The following SLC24A3 variants were observed in gnomAD, a reference collection of about 807,000 sequenced individuals.
SLC24A3 encodes sodium/potassium/calcium exchanger 3.
Under a neutral mutation model 75.8 loss-of-function variants are expected in SLC24A3, and 28 were observed. That is an observed-to-expected ratio of 0.37 (90% CI 0.27 to 0.51). The LOEUF (loss-of-function observed/expected upper bound fraction) is 0.51. SLC24A3 is among the 20% of genes least tolerant of loss of function. SLC24A3 has a pLI of 0.94. For missense variants in SLC24A3, 663 were observed against 847.8 expected, an observed-to-expected ratio of 0.78 and a Z score of 2.71; for synonymous variants, 372 against 334.1, an observed-to-expected ratio of 1.11 and a Z score of -1.24.
intron 9 of SLC24A3, among the ~76,000 whole-genome samples, chr20:19,680,151 T>A (rs1250159481): frequency 6.7e-6 from 1 of 149,854 alleles, no homozygotes; most frequent in East Asian, 1.9e-4. Context: ...TCTGTGTGTG[T>A]CTGTGTGTGT....
intron 7 of SLC24A3, among the ~76,000 whole-genome samples, chr20:19,656,057 T>C (rs191346912): frequency 1.9e-4 from 29 of 152,282 alleles, no homozygotes; most frequent in Admixed American, 1.8e-3. Flanking sequence ...AAGGGTCTAC[T>C]CACCTGTTTG....
chr20:19,590,204 C>A (rs1466858368), intron 6 of SLC24A3, among the ~76,000 whole-genome samples: 1 of 151,734 alleles, frequency 6.6e-6, no homozygotes, highest in Non-Finnish European at 1.5e-5. Flanking sequence ...TTAGCACAAA[C>A]AATGTGCAGC....
chr20:19,456,235 T>A (rs1987575379), intron 2 of SLC24A3, among the ~76,000 whole-genome samples: 1 of 152,176 alleles, frequency 6.6e-6, no homozygotes, highest in Non-Finnish European at 1.5e-5. Context: ...GGAGGAGACA[T>A]ACAACCAGAT....
intron 2 of SLC24A3, among the ~76,000 whole-genome samples, chr20:19,454,108 T>A (rs1325876360): frequency 6.6e-6 from 1 of 152,150 alleles, no homozygotes; most frequent in Admixed American, 6.6e-5. Context: ...TAAGAAGCAG[T>A]GCTCAGAGCC....
chr20:19,559,671 C>T (rs6081656), intron 3 of SLC24A3, among the ~76,000 whole-genome samples: 12,409 of 152,174 alleles, frequency 0.082, 579 homozygotes, highest in Middle Eastern at 0.12. Flanking sequence ...ATTCCCTTAA[C>T]TCTAAATCTA....
At chr20:19,234,470 C>G (rs1486916966) in intron 1 of SLC24A3, among the ~76,000 whole-genome samples, 1 of 152,178 alleles carries the variant, frequency 6.6e-6, no homozygotes, top group East Asian at 1.9e-4. Flanking sequence ...GATGAAATGC[C>G]AAGATTGAGA....
At position 19,618,551 on chromosome 20, in the gene SLC24A3, G is replaced by A. The variant is rs138121660; in HGVS notation, c.612+33007G>A. 3.7e-3 allele frequency among the ~76,000 whole-genome samples: 561 copies of A among 152,284 alleles called. 1 individual carries two copies. Among genetic ancestry groups the A allele is most frequent in the African/African-American group, 0.013 (528 of 41,554 alleles). ...CTAGCTCCAAATACAGCTGCCTTCT[G>A]TGATACTAGGGGGTAAGACTTCAAC... is the stretch of plus-strand genomic sequence containing the variant. On this transcript the variant is annotated intron_variant, in intron 6 of 16. Transcript: ENST00000328041.
chr20:19,526,561 G>A (rs768471440), intron 3 of SLC24A3, among the ~76,000 whole-genome samples: 25 of 152,076 alleles, frequency 1.6e-4, no homozygotes, highest in African/African-American at 4.1e-4. Flanking sequence ...ATTCTCTTCC[G>A]ATCAAAATTT....
At chr20:19,388,805 G>A (rs1399878158) in intron 2 of SLC24A3, among the ~76,000 whole-genome samples, 3 of 152,100 alleles carry the variant, frequency 2.0e-5, no homozygotes, top group Non-Finnish European at 2.9e-5. Context: ...GTTAGCATAT[G>A]GTCAGCTCTT....
intron 2 of SLC24A3, among the ~76,000 whole-genome samples, chr20:19,435,578 AT>A (rs1987184637): frequency 6.6e-6 from 1 of 152,184 alleles, no homozygotes. Flanking sequence ...TCCCAGGGCA[AT>A]TAGTATGTGC....
intron 3 of SLC24A3, among the ~76,000 whole-genome samples, chr20:19,539,611 A>C (rs2030460554): frequency 6.6e-6 from 1 of 152,176 alleles, no homozygotes; most frequent in South Asian, 2.1e-4. Flanking sequence ...TAGAGGAAGA[A>C]GGGGGAGACA....
intron 2 of SLC24A3, among the ~76,000 whole-genome samples, chr20:19,358,271 C>T (rs543286772): frequency 5.3e-5 from 8 of 152,292 alleles, no homozygotes; most frequent in East Asian, 1.9e-4. Context: ...GGGACAGCTG[C>T]GGAGGGCAGG....
intron 2 of SLC24A3, among the ~76,000 whole-genome samples, chr20:19,477,785 G>A (rs1987985859): frequency 6.6e-6 from 1 of 152,148 alleles, no homozygotes; most frequent in African/African-American, 2.4e-5. Context: ...TCTTACACGT[G>A]AATATAGTAT....
At chr20:19,387,513 G>A (rs992861347) in intron 2 of SLC24A3, among the ~76,000 whole-genome samples, 5 of 152,040 alleles carry the variant, frequency 3.3e-5, no homozygotes, top group African/African-American at 1.2e-4. Flanking sequence ...TTTTTGGTAT[G>A]TTGTGTTTCC....
chr20:19,532,383 C>T (rs2030318753), intron 3 of SLC24A3, among the ~76,000 whole-genome samples: 1 of 152,166 alleles, frequency 6.6e-6, no homozygotes, highest in African/African-American at 2.4e-5. Context: ...GGCATTGCAT[C>T]CCCAGGACTG....
At chr20:19,688,793 T>C (rs1461905289) in intron 12 of SLC24A3, among the ~76,000 whole-genome samples, 2 of 152,198 alleles carry the variant, frequency 1.3e-5, no homozygotes, top group African/African-American at 4.8e-5. Context: ...GTGAATACTG[T>C]TGTGAGTTCA....
chr20:19,506,810 C>T (rs1988468569), intron 2 of SLC24A3, among the ~76,000 whole-genome samples: 1 of 152,078 alleles, frequency 6.6e-6, no homozygotes. Context: ...TGGTATCCAG[C>T]AGATGGTAAG....
intron 2 of SLC24A3, among the ~76,000 whole-genome samples, chr20:19,342,368 A>C (rs1015254476): frequency 2.6e-5 from 4 of 152,230 alleles, no homozygotes; most frequent in Non-Finnish European, 5.9e-5. Flanking sequence ...CATGGGACCT[A>C]TACTCTGCCA....
chr20:19,324,750 A>G (rs1984797498), intron 2 of SLC24A3, among the ~76,000 whole-genome samples: 1 of 152,234 alleles, frequency 6.6e-6, no homozygotes, highest in Non-Finnish European at 1.5e-5. Context: ...TTTTTCCCAA[A>G]GAGTTTAACA....
Sources: allele counts gnomAD v4.1 joint callset (sites outside exome capture counted in the v4.1 genomes callset), GRCh38; gene constraint gnomAD v4.1.1; transcripts MANE v1.5; gene names NCBI Gene and HGNC (gene_info 2026-07-23, HGNC 2026-07-21).